EXT2: variants seen among roughly 807,000 people sequenced by gnomAD.
EXT2 encodes the protein exostosin-2.
EXT2 carries 53 observed loss-of-function variants against 81.6 expected under a neutral mutation model. That is an observed-to-expected ratio of 0.65 (90% confidence interval 0.52 to 0.82). EXT2 has a LOEUF of 0.82. Ranked by LOEUF, EXT2 falls within the 40% of genes least tolerant of loss-of-function variation. The pLI is 0.00. For synonymous variants in EXT2, 320 were observed against 340.0 expected (o/e 0.94, Z 0.65); for missense variants, 774 against 910.2 (o/e 0.85, Z 1.93).
At chr11:44,136,733 C>T (rs1453867598) in intron 7 of EXT2, among the ~76,000 whole-genome samples, 1 of 152,084 alleles carries the variant, frequency 6.6e-6, no homozygotes, top group East Asian at 1.9e-4. Flanking sequence ...CCAAATATTC[C>T]CTGCCCCTCC....
chr11:44,149,901 T>C (rs1954770566), intron 7 of EXT2, among the ~76,000 whole-genome samples: 2 of 152,200 alleles, frequency 1.3e-5, no homozygotes, highest in Admixed American at 1.3e-4. Context: ...ACTCATAGTT[T>C]TGGATGTAAT....
At chr11:44,219,723 A>G (rs1349421275) in intron 10 of EXT2, among the ~76,000 whole-genome samples, 2 of 152,130 alleles carry the variant, frequency 1.3e-5, no homozygotes, top group South Asian at 4.2e-4. Flanking sequence ...CTTGCCATGG[A>G]TGGGTTCTAG....
At chr11:44,196,373 C>G (rs1955456180) in intron 8 of EXT2, among the ~76,000 whole-genome samples, 1 of 152,020 alleles carries the variant, frequency 6.6e-6, no homozygotes. Context: ...AAAATTCATG[C>G]CTCTTATATC....
intron 7 of EXT2, among the ~76,000 whole-genome samples, chr11:44,163,304 G>A (rs536173673): frequency 3.0e-4 from 45 of 152,294 alleles, no homozygotes; most frequent in African/African-American, 1.0e-3. Context: ...TAAAAGTAAG[G>A]ATGCTTGGGT....
chr11:44,206,745 T>G, intron 9 of EXT2, 48 bp from the exon 10 acceptor site: 2 of 1,600,534 alleles, frequency 1.2e-6, no homozygotes, highest in Non-Finnish European at 8.6e-7. Context: ...CTACTTTATC[T>G]CCTCACAAAA....
chr11:44,164,294 T>G (rs946956405), intron 7 of EXT2, among the ~76,000 whole-genome samples: 1 of 152,216 alleles, frequency 6.6e-6, no homozygotes, highest in African/African-American at 2.4e-5. Context: ...TTAATTATAG[T>G]TAAAGTCCTT....
rs1487301348 is a variant in EXT2 at position 44,249,980 on chromosome 11, G to T, written c.*5693G>T. On this transcript the variant is annotated 3_prime_UTR_variant, in exon 14 of 14. Coordinates refer to ENST00000533608, the MANE Select transcript of EXT2 (RefSeq NM_207122.2). Reference sequence around the variant, plus strand: ...AGCTACTCGGGAGGCTGAGGCAGGAGAATGGCGTGAACCTGAGAGGTGGAG... The same window carrying T: ...AGCTACTCGGGAGGCTGAGGCAGGATAATGGCGTGAACCTGAGAGGTGGAG... 6.6e-6 allele frequency among the ~76,000 whole-genome samples: 1 copy of T among 152,222 alleles called. No individual in the cohort carries two copies. Among genetic ancestry groups the T allele is most frequent in the Non-Finnish European group, 1.5e-5 (1 of 68,038 alleles).
chr11:44,132,856 C>T (rs1954513774), intron 7 of EXT2, among the ~76,000 whole-genome samples: 1 of 152,220 alleles, frequency 6.6e-6, no homozygotes, highest in Non-Finnish European at 1.5e-5. Context: ...GTCCCACTCC[C>T]CTTTCTCTGA....
chr11:44,151,054 A>G (rs1435002313), intron 7 of EXT2, among the ~76,000 whole-genome samples: 1 of 152,208 alleles, frequency 6.6e-6, no homozygotes, highest in Non-Finnish European at 1.5e-5. Context: ...TAAAGTACAG[A>G]TAGGATTTTT....
chr11:44,161,326 T>C (rs1431268495), intron 7 of EXT2, among the ~76,000 whole-genome samples: 1 of 152,174 alleles, frequency 6.6e-6, no homozygotes, highest in Non-Finnish European at 1.5e-5. Context: ...TGCCATACTT[T>C]ATGTATGTTA....
At chr11:44,216,862 T>C (rs529860214) in intron 10 of EXT2, among the ~76,000 whole-genome samples, 1 of 151,544 alleles carries the variant, frequency 6.6e-6, no homozygotes, top group East Asian at 1.9e-4. Context: ...TGAAAATTGA[T>C]AGTGCACTCT....
intron 7 of EXT2, among the ~76,000 whole-genome samples, chr11:44,156,764 G>T (rs564417974): frequency 6.6e-6 from 1 of 152,180 alleles, no homozygotes; most frequent in East Asian, 1.9e-4. Context: ...TTTCCTGAAT[G>T]TTCTTGATGC....
chr11:44,097,754 A>G lies in EXT2; in HGVS notation c.-31+1902A>G, dbSNP rs1173803382. 5.1e-5 allele frequency among the ~76,000 whole-genome samples: 5 copies of G among 98,198 alleles called. No homozygotes were observed. In the East Asian group the frequency reaches 1.6e-3, roughly 31 times the overall value. The allele number at this position is 98,198 out of a possible 152,430, so 64.4% of individuals were successfully genotyped here. On this transcript the variant is annotated intron_variant, in intron 1 of 13. Transcript: ENST00000533608. Reference sequence around the variant, plus strand: ...AGCCTGAGTGACAGAGCAAGACTCCATCTCAAAAAATAAATAAATAAATAA... The same window carrying G: ...AGCCTGAGTGACAGAGCAAGACTCCGTCTCAAAAAATAAATAAATAAATAA...
In EXT2 at chr11:44,204,275, C is replaced by T. The variant is rs367847801; in HGVS notation, c.1496-2518C>T. 9.9e-5 allele frequency among the ~76,000 whole-genome samples: 15 copies of T among 152,276 alleles called. No homozygotes were observed. In the Middle Eastern group the frequency reaches 0.01, roughly 104 times the overall value. Reference sequence around the variant, plus strand: ...GTAGAGTTCTCCAGAATCTACAGGTCATGAGTGACATCATTTCCCACAGCT... The same window carrying T: ...GTAGAGTTCTCCAGAATCTACAGGTTATGAGTGACATCATTTCCCACAGCT... On this transcript the variant is annotated intron_variant, in intron 9 of 13. Transcript: ENST00000533608.
intron 7 of EXT2, among the ~76,000 whole-genome samples, chr11:44,151,285 A>G (rs1954788258): frequency 6.6e-6 from 1 of 152,164 alleles, no homozygotes; most frequent in Admixed American, 6.5e-5. Context: ...CACTCTTGAT[A>G]TTTTACATTG....
intron 1 of EXT2, chr11:44,096,398 G>C (rs1314846288): frequency 7.0e-7 from 1 of 1,422,622 alleles, no homozygotes; most frequent in Admixed American, 2.0e-5. Flanking sequence ...CTGGGTGACC[G>C]GGAACTAGAT....
chr11:44,110,303 AGT>A (rs1954124592), intron 3 of EXT2, among the ~76,000 whole-genome samples: 1 of 152,212 alleles, frequency 6.6e-6, no homozygotes, highest in Non-Finnish European at 1.5e-5. Flanking sequence ...GTCAGTTTTG[AGT>A]TTCTGTCTGG....
intron 10 of EXT2, among the ~76,000 whole-genome samples, chr11:44,225,747 C>G (rs1955831804): frequency 1.3e-5 from 2 of 152,198 alleles, no homozygotes; most frequent in African/African-American, 2.4e-5. Context: ...CCAATTTAGA[C>G]TTGACCCAGC....
At chr11:44,116,065 A>C (rs1954217791) in intron 4 of EXT2, 1 of 152,220 alleles carries the variant, frequency 6.6e-6, no homozygotes. Context: ...TGTATAATTT[A>C]ACGGTTTTTA....
Sources: gnomAD v4.1 joint callset for allele counts (sites outside exome capture counted in the v4.1 genomes callset) on GRCh38, gnomAD v4.1.1 for gene constraint, MANE v1.5 for transcripts, NCBI Gene and HGNC (gene_info 2026-07-23, HGNC 2026-07-21) for gene names.